Variants in RPN2 observed in about 807,000 individuals in gnomAD.
RPN2 encodes dolichyl-diphosphooligosaccharide--protein glycosyltransferase subunit 2.
In RPN2, 29 loss-of-function variants were observed where a neutral mutation model predicts 71.4. That is an observed-to-expected ratio of 0.41 (90% CI 0.30 to 0.55). RPN2 has a LOEUF of 0.55. Ranked by LOEUF, RPN2 falls within the 20% of genes least tolerant of loss-of-function variation. The probability of loss-of-function intolerance (pLI) is 0.35; values close to 1 mark genes in which losing one functional copy is unlikely to be tolerated. For synonymous variants in RPN2, 308 were observed against 305.0 expected (o/e 1.01, Z -0.10); for missense variants, 726 against 774.1 (o/e 0.94, Z 0.74).
chr20:37,180,458 G>A (rs1351816283), intron 1 of RPN2, among the ~76,000 whole-genome samples: 6 of 152,214 alleles, frequency 3.9e-5, no homozygotes, highest in Admixed American at 3.9e-4. Flanking sequence ...AACATATTAA[G>A]TGCTCAACTT....
intron 13 of RPN2, among the ~76,000 whole-genome samples, chr20:37,230,697 T>C (rs2068217483): frequency 6.6e-6 from 1 of 152,192 alleles, no homozygotes. Context: ...TACGAATTAA[T>C]GTTGAAGTGT....
At position 37,207,333 on chromosome 20, in the gene RPN2, G is replaced by A. The variant is rs1472056292; in HGVS notation, c.751G>A (p.Glu251Lys). 1.1e-5 allele frequency: 18 copies of A among 1,613,986 alleles called. No individual in the cohort carries two copies. The highest frequency in any genetic ancestry group is 8.9e-5 in the East Asian group (4 of 44,894). ...CAAGAAGAACTTTGAGTCCCTCTCC[G>A]AAGCCTTCAGCGTGGCCTCTGCAGC... ...FSKKNFESLS[E>K]AFSVASAAAV... The change falls in exon 7 of 17, where the codon GAA becomes AAA. Residue 251 changes from glutamate to lysine, a missense_variant. Transcript: ENST00000237530.
intron 1 of RPN2, among the ~76,000 whole-genome samples, chr20:37,183,191 TTTG>T (rs1225115357): frequency 6.6e-6 from 1 of 151,036 alleles, no homozygotes; most frequent in Non-Finnish European, 1.5e-5. Context: ...TGATATAGCA[TTTG>T]TTATGTGCCA....
Position 37,223,893 on chromosome 20 carries a change from T to C in RPN2, c.1108T>C (p.Ser370Pro), listed in dbSNP as rs1438387129. 1 of 1,613,974 alleles carries C rather than the reference T, an allele frequency of 6.2e-7. No homozygotes were observed. The highest frequency in any genetic ancestry group is 1.7e-5 in the Admixed American group (1 of 59,998). The change falls in exon 10 of 17, where the codon TCC becomes CCC. Residue 370 changes from serine (S) to proline (P), a missense_variant. Transcript: ENST00000237530. The stretch of plus-strand genomic sequence containing the variant: ...TTTCCTCTAGCTCAGAGTCAAGATC[T>C]CCACTGAAGTTGGCATCACAAATGT... ...ANTVELRVKI[S>P]TEVGITNVDL...
At chr20:37,227,067 C>T (rs1396131007) in intron 11 of RPN2, among the ~76,000 whole-genome samples, 3 of 152,218 alleles carry the variant, frequency 2.0e-5, no homozygotes, top group Non-Finnish European at 2.9e-5. Context: ...CCCAGGAGCA[C>T]GTTCCTCTAT....
intron 2 of RPN2, among the ~76,000 whole-genome samples, chr20:37,188,259 G>A (rs1166570749): frequency 6.6e-6 from 1 of 151,658 alleles, no homozygotes; most frequent in Non-Finnish European, 1.5e-5. Context: ...ACCTCCGCCT[G>A]CTGGGTTCAA....
intron 1 of RPN2, chr20:37,179,696 G>C (rs1177416463): frequency 2.2e-5 from 7 of 312,816 alleles, no homozygotes; most frequent in Non-Finnish European, 3.4e-5. Flanking sequence ...GGGCCAGGCG[G>C]CCTAAGGTTC....
chr20:37,240,566 C>T (rs1297773816), intron 16 of RPN2, among the ~76,000 whole-genome samples: 3 of 152,164 alleles, frequency 2.0e-5, no homozygotes, highest in Non-Finnish European at 4.4e-5. Flanking sequence ...CCTCTGCTTG[C>T]TGGAGCCTGC....
rs199575873 is a variant in RPN2 at position 37,185,946 on chromosome 20, G to C, written c.207+1573G>C. Among the ~76,000 whole-genome samples, 6 of 152,348 alleles carry C rather than the reference G, an allele frequency of 3.9e-5. 1 individual carries two copies. In the East Asian group the frequency reaches 5.8e-4, roughly 15 times the overall value. Reference sequence around the variant, plus strand: ...TGCCTCCAGGCCCATTCATGTTGTCGTATTGTCAGCAAAATCCAGTTCCTG... The same window carrying C: ...TGCCTCCAGGCCCATTCATGTTGTCCTATTGTCAGCAAAATCCAGTTCCTG... On this transcript the variant is annotated intron_variant, in intron 2 of 16. Coordinates refer to ENST00000237530, the MANE Select transcript of RPN2 (RefSeq NM_002951.5).
intron 9 of RPN2, among the ~76,000 whole-genome samples, chr20:37,214,748 C>T (rs1466976763): frequency 2.6e-5 from 4 of 152,042 alleles, no homozygotes; most frequent in East Asian, 1.9e-4. Flanking sequence ...TATATGATGT[C>T]GATATGTCTT....
At chr20:37,191,685 A>G (rs910445928) in intron 2 of RPN2, among the ~76,000 whole-genome samples, 1 of 151,634 alleles carries the variant, frequency 6.6e-6, no homozygotes, top group Non-Finnish European at 1.5e-5. Context: ...ACTCTGTCTC[A>G]AAAGAAAGAA....
At chr20:37,187,751 C>T (rs2067043044) in intron 2 of RPN2, among the ~76,000 whole-genome samples, 2 of 151,974 alleles carry the variant, frequency 1.3e-5, no homozygotes, top group South Asian at 2.1e-4. Context: ...AGTGATCCTC[C>T]CATCTCAGCC....
chr20:37,181,239 AAG>A (rs1491129231), intron 1 of RPN2, among the ~76,000 whole-genome samples: 2 of 151,734 alleles, frequency 1.3e-5, no homozygotes, highest in African/African-American at 4.8e-5. Flanking sequence ...AAAAAAAAAA[AAG>A]AACTTTCCAG....
intron 4 of RPN2, 66 bp from the exon 5 acceptor site, chr20:37,203,819 A>G (rs1007520039): frequency 2.7e-6 from 3 of 1,104,576 alleles, no homozygotes; most frequent in African/African-American, 1.5e-5. Context: ...GTGTCCAAGT[A>G]CGGGAAGGGG....
At chr20:37,187,009 T>A (rs1025248957) in intron 2 of RPN2, among the ~76,000 whole-genome samples, 3 of 152,244 alleles carry the variant, frequency 2.0e-5, no homozygotes, top group Non-Finnish European at 4.4e-5. Context: ...GTGGACTTCC[T>A]ATTAATAGAT....
intron 4 of RPN2, among the ~76,000 whole-genome samples, chr20:37,203,299 G>A (rs1238613759): frequency 6.6e-6 from 1 of 151,306 alleles, no homozygotes; most frequent in African/African-American, 2.4e-5. Context: ...TGTGAATGTA[G>A]TAAGCACCCC....
At chr20:37,203,829 G>T in intron 4 of RPN2, 56 bp from the exon 5 acceptor site, 1 of 1,185,748 alleles carries the variant, frequency 8.4e-7, no homozygotes, top group Non-Finnish European at 1.3e-6. Flanking sequence ...ACGGGAAGGG[G>T]TGAGTGGATG....
chr20:37,197,479 G>A (rs760934801), intron 2 of RPN2, among the ~76,000 whole-genome samples: 1 of 152,216 alleles, frequency 6.6e-6, no homozygotes, highest in Non-Finnish European at 1.5e-5. Context: ...TGATAGGCTT[G>A]GAGGGTGGGG....
chr20:37,209,306 T>C (rs1207386293), intron 7 of RPN2, among the ~76,000 whole-genome samples: 1 of 152,192 alleles, frequency 6.6e-6, no homozygotes, highest in Non-Finnish European at 1.5e-5. Flanking sequence ...CATTCTAAAG[T>C]ATTTTTCTGG....
Sources: allele counts gnomAD v4.1 joint callset (sites outside exome capture counted in the v4.1 genomes callset), GRCh38; gene constraint gnomAD v4.1.1; transcripts MANE v1.5; gene names NCBI Gene and HGNC (gene_info 2026-07-23, HGNC 2026-07-21).